The following FOXP2 variants were observed in gnomAD, a reference collection of about 807,000 sequenced individuals.
FOXP2 encodes the protein forkhead box protein P2.
Under a neutral mutation model 115.8 loss-of-function variants are expected in FOXP2, and 12 were observed. The observed-to-expected ratio is 0.10, with a 90% confidence interval of 0.07 to 0.17. FOXP2 has a LOEUF of 0.17. Ranked by LOEUF, FOXP2 falls within the 10% of genes least tolerant of loss-of-function variation. The pLI is 1.00. For missense variants in FOXP2, 629 were observed against 843.5 expected, an observed-to-expected ratio of 0.75 and a Z score of 3.15; for synonymous variants, 328 against 297.7, an observed-to-expected ratio of 1.10 and a Z score of -1.05.
At chr7:114,578,708 A>G (rs1801695190) in intron 3 of FOXP2, among the ~76,000 whole-genome samples, 1 of 152,140 alleles carries the variant, frequency 6.6e-6, no homozygotes, top group South Asian at 2.1e-4. Flanking sequence ...TTTTAAAATT[A>G]CCATTCATAT....
intron 1 of FOXP2, among the ~76,000 whole-genome samples, chr7:114,234,919 A>G (rs755453215): frequency 2.6e-4 from 40 of 152,154 alleles, no homozygotes; most frequent in Non-Finnish European, 4.9e-4. Flanking sequence ...TCTCCAGTTA[A>G]AGGCCACTTT....
chr7:114,466,581 A>G (rs1795807565), intron 2 of FOXP2, among the ~76,000 whole-genome samples: 2 of 152,170 alleles, frequency 1.3e-5, no homozygotes, highest in African/African-American at 2.4e-5. Context: ...GTCTTGATGT[A>G]GTAGATGAAT....
intron 3 of FOXP2, among the ~76,000 whole-genome samples, chr7:114,551,646 A>T (rs532419377): frequency 6.6e-6 from 1 of 152,316 alleles, no homozygotes; most frequent in African/African-American, 2.4e-5. Context: ...AGAGGTGATT[A>T]AAAGGAAAAT....
At chr7:114,619,012 G>T (rs116402515) in intron 3 of FOXP2, among the ~76,000 whole-genome samples, 70 of 152,238 alleles carry the variant, frequency 4.6e-4, no homozygotes, top group African/African-American at 1.6e-3. Context: ...ACTGGTAAAG[G>T]AATAGAGGCT....
At chr7:114,310,510 CTT>C (rs529016127) in intron 2 of FOXP2, among the ~76,000 whole-genome samples, 12 of 143,682 alleles carry the variant, frequency 8.4e-5, no homozygotes, top group Admixed American at 2.1e-4. Flanking sequence ...GATTAGCTGT[CTT>C]TTTTTTTTTT....
At chr7:114,662,346 C>T (rs1355813184) in intron 14 of FOXP2, among the ~76,000 whole-genome samples, 160 bp downstream of exon 14, 1 of 152,004 alleles carries the variant, frequency 6.6e-6, no homozygotes, top group Non-Finnish European at 1.5e-5. Context: ...TGGCATAAAT[C>T]AACAGTAGCC....
intron 1 of FOXP2, among the ~76,000 whole-genome samples, chr7:114,255,791 C>T (rs1055657915): frequency 3.3e-5 from 5 of 152,114 alleles, no homozygotes; most frequent in African/African-American, 1.2e-4. Context: ...TGTGCTCCAC[C>T]CACTGTCCTG....
chr7:114,549,237 A>G (rs1411615535), intron 3 of FOXP2, among the ~76,000 whole-genome samples: 6 of 152,268 alleles, frequency 3.9e-5, no homozygotes, highest in East Asian at 1.9e-4. Context: ...ATTGATTGGT[A>G]CTGTCCATAT....
chr7:114,490,672 C>T (rs1168653576), intron 2 of FOXP2, among the ~76,000 whole-genome samples: 1 of 152,118 alleles, frequency 6.6e-6, no homozygotes, highest in Admixed American at 6.6e-5. Flanking sequence ...CACCTCACAA[C>T]AGGCCCTGGT....
intron 16 of FOXP2, among the ~76,000 whole-genome samples, chr7:114,672,867 T>C (rs960637860): frequency 6.6e-6 from 1 of 152,056 alleles, no homozygotes; most frequent in Non-Finnish European, 1.5e-5. Flanking sequence ...ACAACTCCAA[T>C]AGGGCAGTTT....
intron 1 of FOXP2, among the ~76,000 whole-genome samples, chr7:114,284,962 A>G (rs1796430268): frequency 6.6e-6 from 1 of 152,102 alleles, no homozygotes; most frequent in Non-Finnish European, 1.5e-5. Flanking sequence ...ACACTTACGA[A>G]TGGGAGCTAA....
At chr7:114,193,844 G>A (rs914991706) in intron 1 of FOXP2, among the ~76,000 whole-genome samples, 3 of 152,118 alleles carry the variant, frequency 2.0e-5, no homozygotes, top group Non-Finnish European at 2.9e-5. Context: ...AGTTAGTGAC[G>A]GATTGCAAAT....
chr7:114,520,386 A>G (rs1045995050), intron 2 of FOXP2, among the ~76,000 whole-genome samples: 9 of 152,132 alleles, frequency 5.9e-5, no homozygotes, highest in Non-Finnish European at 1.3e-4. Context: ...TATGTCATAT[A>G]GTATGTAACA....
At chr7:114,198,439 T>C (rs1181239605) in intron 1 of FOXP2, among the ~76,000 whole-genome samples, 1 of 152,170 alleles carries the variant, frequency 6.6e-6, no homozygotes, top group Non-Finnish European at 1.5e-5. Flanking sequence ...GGGTAGGGGA[T>C]AGGGCTGATG....
At chr7:114,157,195 A>G (rs950700023) in intron 1 of FOXP2, among the ~76,000 whole-genome samples, 3 of 152,166 alleles carry the variant, frequency 2.0e-5, no homozygotes, top group Admixed American at 2.0e-4. Flanking sequence ...AACACAGATG[A>G]ATAATACATT....
chr7:114,382,016 A>T (rs867353580), intron 2 of FOXP2, among the ~76,000 whole-genome samples: 2 of 152,144 alleles, frequency 1.3e-5, no homozygotes, highest in Non-Finnish European at 2.9e-5. Context: ...ATTCACATGT[A>T]TAATGGCCCC....
At chr7:114,584,727 T>C (rs1802045783) in intron 3 of FOXP2, among the ~76,000 whole-genome samples, 1 of 152,224 alleles carries the variant, frequency 6.6e-6, no homozygotes, top group Non-Finnish European at 1.5e-5. Flanking sequence ...CCTTCCTCTC[T>C]GCTCTGAAAG....
intron 2 of FOXP2, among the ~76,000 whole-genome samples, chr7:114,296,870 A>G (rs1300049649): frequency 6.6e-6 from 1 of 152,194 alleles, no homozygotes; most frequent in Non-Finnish European, 1.5e-5. Flanking sequence ...TCAACCTTAT[A>G]AAGATTCTGT....
intron 3 of FOXP2, among the ~76,000 whole-genome samples, chr7:114,618,870 G>A (rs1367877278): frequency 1.3e-5 from 2 of 152,128 alleles, no homozygotes; most frequent in Non-Finnish European, 2.9e-5. Flanking sequence ...TGAAGGGGAA[G>A]TTCATCTGGG....
Sources: gnomAD v4.1 joint callset for allele counts (sites outside exome capture counted in the v4.1 genomes callset) on GRCh38, gnomAD v4.1.1 for gene constraint, MANE v1.5 for transcripts, NCBI Gene and HGNC (gene_info 2026-07-23, HGNC 2026-07-21) for gene names.